Variants in NHS observed in about 807,000 individuals in gnomAD.
The protein encoded by NHS is NHS actin remodeling regulator.
Under a neutral mutation model 72.5 loss-of-function variants are expected in NHS, and 5 were observed. That is an observed-to-expected ratio of 0.07 (90% CI 0.04 to 0.14). The LOEUF is 0.14. NHS is among the 10% of genes least tolerant of loss of function. The pLI, the probability that NHS is intolerant of heterozygous loss-of-function variation, is 1.00. For missense variants in NHS, 1,072 were observed against 1,355.7 expected, an observed-to-expected ratio of 0.79 and a Z score of 3.29; for synonymous variants, 464 against 547.7, an observed-to-expected ratio of 0.85 and a Z score of 2.13.
chrX:17,567,219 C>A (rs1271854314), intron 1 of NHS, among the ~76,000 whole-genome samples: 1 of 111,994 alleles, frequency 8.9e-6, no homozygotes, highest in Admixed American at 9.4e-5. Flanking sequence ...TCTCAGTAAC[C>A]AGTTGTGTGC....
chrX:17,720,427 A>G (rs2066399352), intron 4 of NHS, among the ~76,000 whole-genome samples: 1 of 112,454 alleles, frequency 8.9e-6, no homozygotes, highest in Admixed American at 9.4e-5. Context: ...GATAACAGCA[A>G]AAGATATTTA....
intron 1 of NHS, among the ~76,000 whole-genome samples, chrX:17,590,855 A>G (rs16980645): frequency 0.15 from 16,629 of 111,706 alleles, 2,871 homozygotes; most frequent in African/African-American, 0.51. Flanking sequence ...AGAAGATGAA[A>G]GGAACTATGT....
chrX:17,487,443 C>T (rs754652970), intron 1 of NHS, among the ~76,000 whole-genome samples: 1 of 111,868 alleles, frequency 8.9e-6, no homozygotes, highest in South Asian at 3.8e-4. Context: ...AGGATTTGTG[C>T]CCTTGTTCCT....
intron 1 of NHS, among the ~76,000 whole-genome samples, chrX:17,544,530 G>A (rs866283747): frequency 1.2e-4 from 13 of 110,889 alleles, no homozygotes; most frequent in Middle Eastern, 9.2e-3. Context: ...ATTTTTATTT[G>A]AGATAGAGTC....
At chrX:17,697,000 C>G (rs1256968175) in intron 3 of NHS, among the ~76,000 whole-genome samples, 1 of 111,109 alleles carries the variant, frequency 9.0e-6, no homozygotes, top group South Asian at 3.8e-4. Context: ...GATCTAAAAC[C>G]ACCACCAGAA....
At chrX:17,519,318 C>T (rs2065135996) in intron 1 of NHS, among the ~76,000 whole-genome samples, 1 of 112,413 alleles carries the variant, frequency 8.9e-6, no homozygotes, top group African/African-American at 3.2e-5. Flanking sequence ...TTTCTGGAAC[C>T]CTCACCACTC....
chrX:17,465,165 T>C (rs923263836), intron 1 of NHS, among the ~76,000 whole-genome samples: 5 of 111,606 alleles, frequency 4.5e-5, no homozygotes, highest in Non-Finnish European at 9.4e-5. Context: ...TTAGAGTGAC[T>C]GCAATTGTGG....
At chrX:17,507,804 T>C (rs1418101076) in intron 1 of NHS, among the ~76,000 whole-genome samples, 1 of 111,585 alleles carries the variant, frequency 9.0e-6, no homozygotes, top group Non-Finnish European at 1.9e-5. Flanking sequence ...GCCCTTTTTA[T>C]TAGGAGTCAA....
intron 1 of NHS, among the ~76,000 whole-genome samples, chrX:17,520,458 C>G (rs1315800274): frequency 4.5e-5 from 5 of 111,697 alleles, no homozygotes; most frequent in Admixed American, 9.5e-5. Flanking sequence ...TCTGTTTGGA[C>G]AGAAAGCAGA....
At chrX:17,716,766 G>A (rs1164011223) in intron 3 of NHS, among the ~76,000 whole-genome samples, 1 of 110,881 alleles carries the variant, frequency 9.0e-6, no homozygotes, top group African/African-American at 3.3e-5. Context: ...TAGACACCAA[G>A]CTTTCCCCAC....
In NHS at chrX:17,424,298, C is replaced by T. The variant is rs1469213195; in HGVS notation, c.565+47976C>T. Reference sequence around the variant, plus strand: ...CTTCCACTGACCTAGCAGTAGTTTGCTCCTCCAGGCTGTCATGTCTTCTGA... The same window carrying T: ...CTTCCACTGACCTAGCAGTAGTTTGTTCCTCCAGGCTGTCATGTCTTCTGA... On this transcript the variant is annotated intron_variant, in intron 1 of 8. Coordinates refer to ENST00000676302, the MANE Select transcript of NHS (RefSeq NM_001291867.2). 4.4e-5 allele frequency among the ~76,000 whole-genome samples: 5 copies of T among 112,385 alleles called. No individual in the cohort carries two copies. The Admixed American group carries it at 4.7e-4, about 11-fold the overall frequency.
At chrX:17,404,055 T>C (rs1449079074) in intron 1 of NHS, among the ~76,000 whole-genome samples, 2 of 112,524 alleles carry the variant, frequency 1.8e-5, no homozygotes, top group Admixed American at 1.9e-4. Flanking sequence ...GCTAATGCTG[T>C]AGTAAAAATC....
At chrX:17,611,494 A>T (rs2065711111) in intron 1 of NHS, among the ~76,000 whole-genome samples, 2 of 112,451 alleles carry the variant, frequency 1.8e-5, no homozygotes, top group South Asian at 7.4e-4. Context: ...GTTTAAAATA[A>T]AAAGTTAAGG....
intron 1 of NHS, among the ~76,000 whole-genome samples, chrX:17,505,036 G>GTA (rs757176673): frequency 3.4e-4 from 37 of 110,053 alleles, no homozygotes; most frequent in Non-Finnish European, 6.1e-4. Flanking sequence ...GAATATATAT[G>GTA]TATATATATA....
chrX:17,653,272 T>C (rs1431887342), intron 1 of NHS, among the ~76,000 whole-genome samples: 3 of 111,911 alleles, frequency 2.7e-5, no homozygotes, highest in African/African-American at 9.7e-5. Flanking sequence ...ATTTTCATTT[T>C]ACAAATGAGA....
intron 1 of NHS, among the ~76,000 whole-genome samples, chrX:17,521,834 T>C (rs776502903): frequency 2.0e-4 from 22 of 112,756 alleles, no homozygotes; most frequent in Non-Finnish European, 3.9e-4. Flanking sequence ...AGTGCTTCAT[T>C]TTCATTATTA....
rs1160230320 is a variant in NHS at position 17,726,414 on chromosome X, A to C, written c.2308A>C (p.Lys770Gln). 8.2e-7 allele frequency: 1 copy of C among 1,212,261 alleles called. No individual in the cohort carries two copies. Among genetic ancestry groups the C allele is most frequent in the African/African-American group, 1.7e-5 (1 of 57,960 alleles). ...CTTTCTGGAAAAGTCTCCATCAGAC[A>C]AAGCGGACACTAGCTCTCACTTTTC... ...DSFLEKSPSDKADTSSHFSVD... is the reference protein window; with the variant it reads ...DSFLEKSPSDQADTSSHFSVD... Residue 770 changes from lysine to glutamine, a missense_variant, in exon 7 of 9, where the codon AAA (lysine) becomes CAA (glutamine). Coordinates refer to ENST00000676302, the MANE Select transcript of NHS (RefSeq NM_001291867.2).
At chrX:17,580,966 T>C (rs2065540617) in intron 1 of NHS, among the ~76,000 whole-genome samples, 1 of 112,003 alleles carries the variant, frequency 8.9e-6, no homozygotes, top group Non-Finnish European at 1.9e-5. Context: ...GTGAGGAAGT[T>C]GGAGAGTATG....
chrX:17,447,772 C>T (rs1350448996), intron 1 of NHS, among the ~76,000 whole-genome samples: 2 of 91,433 alleles, frequency 2.2e-5, no homozygotes. Flanking sequence ...CACACACACA[C>T]GCACACACAC....
Sources: gnomAD v4.1 joint callset for allele counts (sites outside exome capture counted in the v4.1 genomes callset) on GRCh38, gnomAD v4.1.1 for gene constraint, MANE v1.5 for transcripts, NCBI Gene and HGNC (gene_info 2026-07-23, HGNC 2026-07-21) for gene names.